THOC5: variants seen among roughly 807,000 people sequenced by gnomAD.
The protein encoded by THOC5 is Fms-interacting protein.
Under a neutral mutation model 92.9 loss-of-function variants are expected in THOC5, and 43 were observed. That is an observed-to-expected ratio of 0.46 (90% CI 0.36 to 0.60). The LOEUF (loss-of-function observed/expected upper bound fraction) is 0.60. Among genes scored for constraint, THOC5 ranks in the 20% least tolerant of loss-of-function variants. The pLI, the probability that THOC5 is intolerant of heterozygous loss-of-function variation, is 0.00. For missense variants in THOC5, 659 were observed against 849.4 expected, an observed-to-expected ratio of 0.78 and a Z score of 2.79; for synonymous variants, 296 against 320.1, an observed-to-expected ratio of 0.92 and a Z score of 0.80.
chr22:29,522,108 T>G (rs1035958710), intron 12 of THOC5, among the ~76,000 whole-genome samples: 1 of 151,260 alleles, frequency 6.6e-6, no homozygotes, highest in Admixed American at 6.6e-5. Context: ...CCCAGCACTT[T>G]GAGAGGCCGA....
At chr22:29,512,221 C>G (rs753764345) in intron 17 of THOC5, 85 bp from the exon 18 acceptor site, 2 of 1,017,172 alleles carry the variant, frequency 2.0e-6, no homozygotes, top group Non-Finnish European at 3.1e-6. Flanking sequence ...ACCCCTGAGG[C>G]TAGCTCAGAT....
In THOC5 at chr22:29,511,506, C is replaced by T. The variant is rs545016007; in HGVS notation, c.1798-210G>A. The T allele has an allele frequency of 2.2e-3, 1,212 of 552,114 alleles. 5 individuals are homozygous for T. Among genetic ancestry groups the T allele is most frequent in the Non-Finnish European group, 3.1e-3 (984 of 313,220 alleles). 34.2% of individuals were successfully genotyped at this position (552,114 alleles called of 1,614,324 possible). On this transcript the variant is annotated intron_variant, in intron 18 of 19. Transcript: ENST00000490103. ...CTTCCTGATTCTGACCCATAGCTTTCCCTGCCTCATATGCCCACAGCCAGG... is the reference window on the plus strand; with the variant it reads ...CTTCCTGATTCTGACCCATAGCTTTTCCTGCCTCATATGCCCACAGCCAGG...
intron 1 of THOC5, 107 bp downstream of exon 1, chr22:29,553,564 G>A (rs1219744417): frequency 6.6e-6 from 1 of 152,630 alleles, no homozygotes; most frequent in Non-Finnish European, 1.5e-5. Flanking sequence ...AGGAGAAGCC[G>A]GGTCAGACCC....
intron 1 of THOC5, among the ~76,000 whole-genome samples, chr22:29,552,561 G>A (rs1342056091): frequency 6.7e-6 from 1 of 149,276 alleles, no homozygotes; most frequent in Admixed American, 6.7e-5. Context: ...CAGCCGCCCC[G>A]TCCGGGGGGG....
At position 29,549,323 on chromosome 22, in the gene THOC5, G is replaced by GT. The variant is rs747425302; in HGVS notation, c.-11-166dup. Among the ~76,000 whole-genome samples the GT allele has an allele frequency of 3.9e-5, 6 of 152,114 alleles. No individual in the cohort carries two copies. The East Asian group carries it at 7.7e-4, about 20-fold the overall frequency. On this transcript the variant is annotated intron_variant, in intron 1 of 19. Transcript: ENST00000490103. ...ACAACAGGGAAGCATCTCTCAGCCT[G>GT]TCCAAAACAAACTCCACCTTCTCTT...
intron 8 of THOC5, 196 bp downstream of exon 8, chr22:29,531,635 C>T: frequency 8.2e-6 from 11 of 1,337,714 alleles, no homozygotes; most frequent in Non-Finnish European, 1.1e-5. Flanking sequence ...GTGAAATACC[C>T]ATCAGGTTAA....
chr22:29,534,268 G>A (rs551676532), intron 7 of THOC5, among the ~76,000 whole-genome samples: 33 of 152,236 alleles, frequency 2.2e-4, no homozygotes, highest in African/African-American at 7.0e-4. Flanking sequence ...TGGTTACTGG[G>A]GTGTGAGGGA....
In THOC5 at chr22:29,532,922, G is replaced by A. The variant is rs575486092; in HGVS notation, c.715-959C>T. On this transcript the variant is annotated intron_variant, in intron 7 of 19. Transcript: ENST00000490103. ...GAACCTGGGAGACGGAGGTTGCAGT[G>A]AGCCAAGATTGTACCACTGCACTCC... Among the ~76,000 whole-genome samples, 6 of 152,218 alleles carry A rather than the reference G, an allele frequency of 3.9e-5. No individual in the cohort carries two copies. The South Asian group carries it at 1.0e-3, about 26-fold the overall frequency.
intron 11 of THOC5, among the ~76,000 whole-genome samples, chr22:29,526,803 AAATCC>A (rs2063553987): frequency 1.3e-5 from 2 of 152,150 alleles, no homozygotes; most frequent in South Asian, 2.1e-4. Context: ...TCTCTCCCCC[AAATCC>A]ATAATCTCAG....
chr22:29,545,612 T>G (rs1601458646), intron 2 of THOC5, among the ~76,000 whole-genome samples: 1 of 152,138 alleles, frequency 6.6e-6, no homozygotes, highest in South Asian at 2.1e-4. Context: ...CAAAATCCAG[T>G]AGGGCAGTGA....
intron 12 of THOC5, among the ~76,000 whole-genome samples, chr22:29,522,565 T>C (rs752279662): frequency 4.5e-4 from 68 of 152,106 alleles, no homozygotes; most frequent in Admixed American, 8.5e-4. Context: ...CTGCAACATA[T>C]GGCTAAGACA....
At chr22:29,519,344 T>C (rs934432594) in intron 14 of THOC5, among the ~76,000 whole-genome samples, 1 of 152,220 alleles carries the variant, frequency 6.6e-6, no homozygotes, top group African/African-American at 2.4e-5. Flanking sequence ...GTCCAACTCC[T>C]GAGGAAAGGC....
intron 12 of THOC5, among the ~76,000 whole-genome samples, chr22:29,524,900 G>A (rs1005758837): frequency 6.6e-6 from 1 of 152,210 alleles, no homozygotes; most frequent in African/African-American, 2.4e-5. Context: ...CTAGGTCAGG[G>A]CAGTGCTCTT....
chr22:29,518,348 G>T lies in THOC5; in HGVS notation c.1489+658C>A, dbSNP rs2267146. Among the ~76,000 whole-genome samples the T allele has an allele frequency of 8.5e-5, 13 of 152,196 alleles. No individual in the cohort carries two copies. The South Asian group carries it at 2.5e-3, about 29-fold the overall frequency. ...GCGCCTGTCCCAGAGACTCTTTTAG[G>T]TCAGAAAAATCTTGACCCCATCCCC... On this transcript the variant is annotated intron_variant, in intron 15 of 19. Coordinates refer to ENST00000490103, the MANE Select transcript of THOC5 (RefSeq NM_003678.5).
intron 7 of THOC5, among the ~76,000 whole-genome samples, chr22:29,532,500 T>C (rs1315416129): frequency 1.3e-5 from 2 of 148,492 alleles, no homozygotes; most frequent in Non-Finnish European, 3.0e-5. Flanking sequence ...CCGTCTCTAC[T>C]AAAAAAAATA....
intron 12 of THOC5, among the ~76,000 whole-genome samples, chr22:29,521,757 G>C (rs1269825328): frequency 6.6e-6 from 1 of 152,068 alleles, no homozygotes; most frequent in Non-Finnish European, 1.5e-5. Flanking sequence ...CATTAAATGT[G>C]ACAAGCAAAA....
At chr22:29,540,054 T>G (rs1397059490) in intron 5 of THOC5, among the ~76,000 whole-genome samples, 3 of 152,082 alleles carry the variant, frequency 2.0e-5, no homozygotes, top group Admixed American at 2.0e-4. Context: ...CCAAGGCAGG[T>G]GGATTACCTG....
At position 29,520,013 on chromosome 22, in the gene THOC5, G is replaced by A. The variant is rs2063408875; in HGVS notation, c.1369C>T (p.Pro457Ser). Reference protein sequence around the residue: ...LGGLHFPKEQPQQTVIADHSL... With the variant: ...LGGLHFPKEQSQQTVIADHSL... ...GATGAGATCAGTGTACAGACCTGGG[G>A]CTGCTCTTTGGGGAAGTGGAGGCCA... is the stretch of plus-strand genomic sequence containing the variant. Residue 457 changes from proline (P) to serine (S), a missense_variant, in exon 14 of 20, where the codon CCC (proline) becomes TCC (serine). Physicochemically the swap from Pro to Ser is moderately conservative, Grantham distance 74. Coordinates refer to ENST00000490103, the MANE Select transcript of THOC5 (RefSeq NM_003678.5). 2 of 1,613,470 alleles carry A rather than the reference G, an allele frequency of 1.2e-6. No homozygotes were observed. Among genetic ancestry groups the A allele is most frequent in the Non-Finnish European group, 1.7e-6 (2 of 1,179,768 alleles).
intron 1 of THOC5, among the ~76,000 whole-genome samples, chr22:29,551,303 G>A (rs908123352): frequency 3.9e-5 from 6 of 152,082 alleles, no homozygotes; most frequent in African/African-American, 1.4e-4. Context: ...GAGTGGAGGC[G>A]GGCGCCTGTA....
Sources: allele counts gnomAD v4.1 joint callset (sites outside exome capture counted in the v4.1 genomes callset), GRCh38; gene constraint gnomAD v4.1.1; transcripts MANE v1.5; gene names NCBI Gene and HGNC (gene_info 2026-07-23, HGNC 2026-07-21).